BRMS1L: variants seen among roughly 807,000 people sequenced by gnomAD.
BRMS1L encodes BRMS1 like transcriptional repressor.
A neutral mutation model predicts 50.3 loss-of-function variants in BRMS1L; 23 were observed. The ratio of observed to expected loss-of-function variants is 0.46; its 90% CI spans 0.33 to 0.65. The LOEUF (loss-of-function observed/expected upper bound fraction) is 0.65, where lower values mean the gene tolerates loss of function less well. Ranked by LOEUF, BRMS1L falls within the 30% of genes least tolerant of loss-of-function variation. The probability of loss-of-function intolerance (pLI) is 0.02; values close to 1 mark genes in which losing one functional copy is unlikely to be tolerated. For synonymous variants in BRMS1L, 114 were observed against 126.9 expected (o/e 0.90, Z 0.69); for missense variants, 286 against 386.1 (o/e 0.74, Z 2.17).
chr14:35,829,291 T>A (rs1390093177), intron 1 of BRMS1L, among the ~76,000 whole-genome samples: 2 of 152,190 alleles, frequency 1.3e-5, no homozygotes, highest in African/African-American at 4.8e-5. Context: ...TCTTCAGATG[T>A]TCTTGCATTT....
chr14:35,864,221 C>T (rs2078391008), intron 6 of BRMS1L, among the ~76,000 whole-genome samples: 1 of 152,120 alleles, frequency 6.6e-6, no homozygotes, highest in Non-Finnish European at 1.5e-5. Flanking sequence ...TGATGTGAAA[C>T]AGTCGTTTAG....
At chr14:35,859,228 G>A (rs1336762753) in intron 4 of BRMS1L, among the ~76,000 whole-genome samples, 1 of 152,072 alleles carries the variant, frequency 6.6e-6, no homozygotes, top group East Asian at 1.9e-4. Flanking sequence ...ATAGGCGTGA[G>A]CCACCGTGCC....
chr14:35,869,612 T>C (rs4982318), intron 9 of BRMS1L, among the ~76,000 whole-genome samples: 29,947 of 151,786 alleles, frequency 0.2, 3,113 homozygotes, highest in East Asian at 0.36. Context: ...CTTTGGGAAG[T>C]CGAGGAGGGT....
intron 4 of BRMS1L, among the ~76,000 whole-genome samples, chr14:35,844,414 C>G (rs917843657): frequency 6.6e-6 from 1 of 152,164 alleles, no homozygotes; most frequent in African/African-American, 2.4e-5. Flanking sequence ...GGCGTGGTCC[C>G]TCATGGCTCC....
At chr14:35,837,128 G>A (rs1463633521) in intron 4 of BRMS1L, among the ~76,000 whole-genome samples, 4 of 152,022 alleles carry the variant, frequency 2.6e-5, no homozygotes, top group East Asian at 1.9e-4. Context: ...GGTGGCATGC[G>A]CCTGTAATCC....
At chr14:35,860,620 C>T (rs2078338001) in intron 4 of BRMS1L, among the ~76,000 whole-genome samples, 1 of 150,314 alleles carries the variant, frequency 6.7e-6, no homozygotes. Context: ...TTTAATGGGT[C>T]ACTCTCTGAT....
intron 4 of BRMS1L, among the ~76,000 whole-genome samples, chr14:35,842,603 C>T (rs1440057788): frequency 2.6e-5 from 4 of 152,144 alleles, no homozygotes; most frequent in African/African-American, 7.2e-5. Context: ...TCTGGCTGCC[C>T]TTAACATTTT....
intron 7 of BRMS1L, 21 bp from the exon 8 acceptor site, chr14:35,865,699 CTT>C (rs78231905): frequency 0.016 from 21,609 of 1,325,208 alleles, no homozygotes; most frequent in South Asian, 0.019. Context: ...CTTTCTTCCT[CTT>C]TTTTTTTTTT....
At chr14:35,829,719 A>G in intron 1 of BRMS1L, 1 of 615,420 alleles carries the variant, frequency 1.6e-6, no homozygotes, top group Non-Finnish European at 2.4e-6. Flanking sequence ...AATCTGTTTT[A>G]GAAAATGAGA....
At chr14:35,860,753 A>G (rs912375501) in intron 4 of BRMS1L, among the ~76,000 whole-genome samples, 2 of 152,168 alleles carry the variant, frequency 1.3e-5, no homozygotes, top group Non-Finnish European at 2.9e-5. Flanking sequence ...TGAGGTCGGT[A>G]CAATAATGGA....
chr14:35,830,936 A>G (rs959163227), intron 1 of BRMS1L, among the ~76,000 whole-genome samples: 3 of 149,238 alleles, frequency 2.0e-5, no homozygotes. Context: ...TTAAATCTAT[A>G]GTGGATTTTT....
At chr14:35,857,281 A>ATGTG (rs553372278) in intron 4 of BRMS1L, among the ~76,000 whole-genome samples, 19 of 143,106 alleles carry the variant, frequency 1.3e-4, no homozygotes, top group African/African-American at 3.6e-4. Flanking sequence ...ATACATATAT[A>ATGTG]TGTGTGTGTG....
rs750534314 is a variant in BRMS1L at position 35,826,644 on chromosome 14, A to G, written c.128A>G (p.Asp43Gly). 6 of 1,612,360 alleles carry G rather than the reference A, an allele frequency of 3.7e-6. No homozygotes were observed. The highest frequency in any genetic ancestry group is 5.1e-6 in the Non-Finnish European group (6 of 1,179,554). Residue 43 changes from aspartate (D) to glycine (G), a missense_variant, in exon 1 of 10, where the codon GAT (aspartate) becomes GGT (glycine). Physicochemically the swap from Asp to Gly is moderately conservative, Grantham distance 94. Around this residue, in one of 5 missense-constraint regions of BRMS1L, gnomAD observed 66 missense variants for 67.8 expected, o/e 0.97. Coordinates refer to ENST00000216807, the MANE Select transcript of BRMS1L (RefSeq NM_032352.4). ...EDTESSSVSEDGDSSEMDDED... is the reference protein window; with the variant it reads ...EDTESSSVSEGGDSSEMDDED... ...ACTGAGAGCTCGTCGGTCTCCGAGG[A>G]TGGAGATAGCTCAGGTGCGCGACCC... is the stretch of plus-strand genomic sequence containing the variant.
chr14:35,828,686 C>G (rs766894816), intron 1 of BRMS1L, among the ~76,000 whole-genome samples: 6 of 152,002 alleles, frequency 3.9e-5, no homozygotes, highest in Non-Finnish European at 8.8e-5. Context: ...GAACTCCTGA[C>G]CTCAGGTGAT....
chr14:35,847,831 T>A (rs2078157257), intron 4 of BRMS1L, among the ~76,000 whole-genome samples: 1 of 152,250 alleles, frequency 6.6e-6, no homozygotes, highest in Admixed American at 6.5e-5. Context: ...CCTCCGTGAC[T>A]GGCTTATCTC....
At chr14:35,832,456 A>T (rs1174105064) in intron 2 of BRMS1L, among the ~76,000 whole-genome samples, 3 of 150,202 alleles carry the variant, frequency 2.0e-5, no homozygotes, top group Non-Finnish European at 4.4e-5. Context: ...GAAGTGAGCG[A>T]GATTGCGCCA....
At position 35,862,614 on chromosome 14, in the gene BRMS1L, A is replaced by G; in HGVS notation, c.466A>G (p.Thr156Ala). 1 of 1,608,054 alleles carries G rather than the reference A, an allele frequency of 6.2e-7. No homozygotes were observed. Among genetic ancestry groups the G allele is most frequent in the South Asian group, 1.1e-5 (1 of 89,754 alleles). ...GAGCGAAAAGCTGTTGCTATATGAT[A>G]CAGTCCAGAGTGAACTAGAGGAGAA... ...CESEKLLLYDTVQSELEEKIR... is the reference protein window; with the variant it reads ...CESEKLLLYDAVQSELEEKIR... Residue 156 changes from threonine (T) to alanine (A), a missense_variant, in exon 5 of 10, where the codon ACA (threonine) becomes GCA (alanine). Physicochemically the swap from Thr to Ala is moderately conservative, Grantham distance 58 (BLOSUM62 0). Coordinates refer to ENST00000216807, the MANE Select transcript of BRMS1L (RefSeq NM_032352.4).
chr14:35,835,517 G>A (rs59375978), intron 4 of BRMS1L, among the ~76,000 whole-genome samples: 3,612 of 152,154 alleles, frequency 0.024, 127 homozygotes, highest in African/African-American at 0.08. Flanking sequence ...TGGAACACTA[G>A]GCATAAATGG....
Position 35,863,928 on chromosome 14 carries a change from C to T in BRMS1L, c.597C>T (p.Asp199=). 1 of 1,613,724 alleles carries T rather than the reference C, an allele frequency of 6.2e-7. No homozygotes were observed. The highest frequency in any genetic ancestry group is 8.5e-7 in the Non-Finnish European group (1 of 1,179,862). Residue 199 remains aspartate, a synonymous_variant, in exon 6 of 10, where the codon GAC becomes GAT. Coordinates refer to ENST00000216807, the MANE Select transcript of BRMS1L (RefSeq NM_032352.4). The stretch of plus-strand genomic sequence containing the variant: ...AGAGGAAGGATCCTTTCAGTCCTGA[C>T]AAAAAGAAGCCAGTTGTTGTTTCAG... ...RKKRKDPFSP[D]KKKPVVVSGP...
Sources: allele counts gnomAD v4.1 joint callset (sites outside exome capture counted in the v4.1 genomes callset), GRCh38; gene constraint gnomAD v4.1.1; regional missense constraint gnomAD v4.1.1; transcripts MANE v1.5; gene names NCBI Gene and HGNC (gene_info 2026-07-23, HGNC 2026-07-21).